The following EFNA2 variants were observed in gnomAD, a reference collection of about 807,000 sequenced individuals.
EFNA2 encodes the protein ephrin A2, also known as ephrin-A2.
Under a neutral mutation model 19.7 loss-of-function variants are expected in EFNA2, and 18 were observed. The observed-to-expected ratio is 0.91, with a 90% CI of 0.63 to 1.35. EFNA2 has a LOEUF of 1.35. EFNA2 is among the 40% of genes most tolerant of loss of function. The pLI is 0.00. For synonymous variants in EFNA2, 187 were observed against 137.8 expected, an observed-to-expected ratio of 1.36 and a Z score of -2.50; for missense variants, 303 against 296.0, an observed-to-expected ratio of 1.02 and a Z score of -0.17.
upstream of EFNA2, among the ~76,000 whole-genome samples, chr19:1,285,330 T>C (rs1408399712): frequency 6.6e-6 from 1 of 152,074 alleles, no homozygotes; most frequent in Non-Finnish European, 1.5e-5. The surrounding 1 kb of genome is among the most constrained non-coding windows in gnomAD (Gnocchi z 4.1). Context: ...TCCACATCGG[T>C]CCACCTACTA....
Position 1,299,807 on chromosome 19 carries a change from G to GTC in EFNA2, c.521-13_521-12dup, listed in dbSNP as rs1407123774. ...GGTTCGGGCGGCCGCTGAGCGTGCT[G>GTC]TCTCTGCCACCCGCAGACGAGACCC... On this transcript the variant is annotated splice_polypyrimidine_tract_variant and intron_variant, in intron 3 of 3. Coordinates refer to ENST00000215368, the MANE Select transcript of EFNA2 (RefSeq NM_001405.4). 4.4e-6 allele frequency: 7 copies of GTC among 1,591,710 alleles called. No individual in the cohort carries two copies. The African/African-American group carries it at 5.4e-5, about 12-fold the overall frequency.
upstream of EFNA2, among the ~76,000 whole-genome samples, chr19:1,285,691 C>A (rs1489338083): frequency 6.6e-6 from 1 of 151,444 alleles, no homozygotes; most frequent in Non-Finnish European, 1.5e-5. This position sits in a 1 kb window ranked among gnomAD's most constrained non-coding sequence, Gnocchi z 4.1. Context: ...CACGCGGATG[C>A]CGGCGGGGGG....
Position 1,295,412 on chromosome 19 carries a change from A to C in EFNA2, c.141-133A>C. 1 of 863,070 alleles carries C rather than the reference A, an allele frequency of 1.2e-6. No individual in the cohort carries two copies. The highest frequency in any genetic ancestry group is 3.5e-4 in the Middle Eastern group (1 of 2,818). The allele number at this position is 863,070 out of a possible 1,614,324, so 53.5% of individuals were successfully genotyped here. A position where few individuals can be genotyped will look rare whatever the true frequency, so the allele number is the denominator to read the frequency against. Reference sequence around the variant, plus strand: ...CCCTGACCCGTCCCCCGTGCTCCTGACCCCGGCCCTCGCCGCGCACCCCGA... The same window carrying C: ...CCCTGACCCGTCCCCCGTGCTCCTGCCCCCGGCCCTCGCCGCGCACCCCGA... On this transcript the variant is annotated intron_variant, in intron 1 of 3. Transcript: ENST00000215368. The surrounding 1 kb of genome is among the most constrained non-coding windows in gnomAD (Gnocchi z 5.8).
In EFNA2 at chr19:1,295,860, T is replaced by C. The variant is rs2081512158; in HGVS notation, c.454+2T>C. Reference sequence around the variant, plus strand: ...CCGGCCACGAGTATTACTACATCTGTGAGTGGGGTCGGGCCGGGGCTGCCG... The same window carrying C: ...CCGGCCACGAGTATTACTACATCTGCGAGTGGGGTCGGGCCGGGGCTGCCG... On this transcript the variant is annotated splice_donor_variant, in intron 2 of 3. Transcript: ENST00000215368. LOFTEE classifies it high-confidence loss of function. The surrounding 1 kb of genome is among the most constrained non-coding windows in gnomAD (Gnocchi z 5.8). 6.4e-7 allele frequency: 1 copy of C among 1,569,704 alleles called. No homozygotes were observed. The highest frequency in any genetic ancestry group is 8.6e-7 in the Non-Finnish European group (1 of 1,163,664).
Position 1,296,092 on chromosome 19 carries a change from C to G in EFNA2, c.454+234C>G, listed in dbSNP as rs34631609. 2.0e-5 allele frequency among the ~76,000 whole-genome samples: 3 copies of G among 152,006 alleles called. No individual in the cohort carries two copies. The highest frequency in any genetic ancestry group is 2.1e-4 in the South Asian group (1 of 4,832). ...GCCGGTGCTGGCCACTGACCCACCC[C>G]GGTCACTGACCCCCTCCAGATGTCA... On this transcript the variant is annotated intron_variant, in intron 2 of 3. Transcript: ENST00000215368. The surrounding 1 kb of genome is among the most constrained non-coding windows in gnomAD (Gnocchi z 4.4).
chr19:1,288,081 C>T (rs1474206115), intron 1 of EFNA2, among the ~76,000 whole-genome samples: 2 of 152,258 alleles, frequency 1.3e-5, no homozygotes, highest in Non-Finnish European at 1.5e-5. Context: ...CTTGCTGGTC[C>T]GCAGAGCCGA....
chr19:1,299,448 T>G (rs1244471797), intron 3 of EFNA2, among the ~76,000 whole-genome samples: 2 of 149,372 alleles, frequency 1.3e-5, no homozygotes, highest in Non-Finnish European at 3.0e-5. Context: ...CCCAGCTATT[T>G]GGGAGGCTGA....
chr19:1,300,499 C>T lies in EFNA2; in HGVS notation c.*554C>T, dbSNP rs531159587. On this transcript the variant is annotated 3_prime_UTR_variant, in exon 4 of 4. Coordinates refer to ENST00000215368, the MANE Select transcript of EFNA2 (RefSeq NM_001405.4). ...CCACTCGTGGGGGAACACAGCCGCT[C>T]CCCTCTGCTCTGCACCCCACTCGTG... is the stretch of plus-strand genomic sequence containing the variant. Among the ~76,000 whole-genome samples, 1 of 148,650 alleles carries T rather than the reference C, an allele frequency of 6.7e-6. No homozygotes were observed. The highest frequency in any genetic ancestry group is 2.5e-5 in the African/African-American group (1 of 40,756).
At chr19:1,293,258 C>A (rs1296744597) in intron 1 of EFNA2, among the ~76,000 whole-genome samples, 1 of 152,232 alleles carries the variant, frequency 6.6e-6, no homozygotes, top group Non-Finnish European at 1.5e-5. Context: ...TTCACTTGGG[C>A]TGGGCAGGAA....
rs758304794 is a variant in EFNA2 at position 1,295,755 on chromosome 19, C to T, written c.351C>T (p.Pro117=). 1.2e-6 allele frequency: 2 copies of T among 1,605,260 alleles called. No individual in the cohort carries two copies. The highest frequency in any genetic ancestry group is 8.5e-7 in the Non-Finnish European group (1 of 1,177,008). ...TCAAGCGCTGGGAGTGCAACCGGCC[C>T]GCGGCGCCCGGGGGGCCGCTCAAGT... ...RGFKRWECNR[P]AAPGGPLKFS... The change falls in exon 2 of 4, where the codon CCC becomes CCT. Residue 117 remains proline, a synonymous_variant. Transcript: ENST00000215368. This position sits in a 1 kb window ranked among gnomAD's most constrained non-coding sequence, Gnocchi z 5.8.
intron 3 of EFNA2, 111 bp downstream of exon 3, chr19:1,298,727 TC>T: frequency 8.1e-7 from 1 of 1,229,436 alleles, no homozygotes; most frequent in Non-Finnish European, 1.1e-6. Flanking sequence ...GGTTTCCCTA[TC>T]TTGCCCTGCC....
In EFNA2 at chr19:1,299,995, G is replaced by T. The variant is rs779214933; in HGVS notation, c.*50G>T. ...CTGCCTGGACGGCCCCGCCTGGACC[G>T]CCTGACCTCGGCCCTCCGGACCCGG... On this transcript the variant is annotated 3_prime_UTR_variant, in exon 4 of 4. Coordinates refer to ENST00000215368, the MANE Select transcript of EFNA2 (RefSeq NM_001405.4). 2.6e-6 allele frequency: 4 copies of T among 1,552,062 alleles called. No individual in the cohort carries two copies. The highest frequency in any genetic ancestry group is 1.2e-5 in the South Asian group (1 of 85,660).
chr19:1,293,472 G>A (rs1486277480), intron 1 of EFNA2, among the ~76,000 whole-genome samples: 2 of 148,716 alleles, frequency 1.3e-5, no homozygotes, highest in African/African-American at 4.9e-5. Flanking sequence ...ACAGCCGGGA[G>A]GACCATCCCC....
At chr19:1,293,799 C>T (rs551627310) in intron 1 of EFNA2, among the ~76,000 whole-genome samples, 6 of 152,358 alleles carry the variant, frequency 3.9e-5, no homozygotes, top group Non-Finnish European at 7.4e-5. Flanking sequence ...ATCTTCATGC[C>T]GGATCCCTAG....
chr19:1,299,781 G>C, intron 3 of EFNA2, 43 bp from the exon 4 acceptor site: 1 of 1,561,348 alleles, frequency 6.4e-7, no homozygotes, highest in South Asian at 1.2e-5. Context: ...GAGCCCAGTG[G>C]GGTTCGGGCG....
rs755187247 is a variant in EFNA2, at chr19:1,295,768, G to A, written c.364G>A (p.Gly122Arg). Residue 122 changes from glycine to arginine, a missense_variant, in exon 2 of 4, where the codon GGG becomes AGG. Coordinates refer to ENST00000215368, the MANE Select transcript of EFNA2 (RefSeq NM_001405.4). The surrounding 1 kb of genome is among the most constrained non-coding windows in gnomAD (Gnocchi z 5.8). ...WECNRPAAPG[G>R]PLKFSEKFQL... ...GTGCAACCGGCCCGCGGCGCCCGGG[G>A]GGCCGCTCAAGTTCTCGGAGAAGTT... is the stretch of plus-strand genomic sequence containing the variant. 2 of 1,605,362 alleles carry A rather than the reference G, an allele frequency of 1.2e-6. No homozygotes were observed. The highest frequency in any genetic ancestry group is 1.7e-6 in the Non-Finnish European group (2 of 1,177,266).
At chr19:1,288,432 G>A (rs2081476153) in intron 1 of EFNA2, among the ~76,000 whole-genome samples, 2 of 152,166 alleles carry the variant, frequency 1.3e-5, no homozygotes, top group African/African-American at 2.4e-5. Context: ...TAAGGTGTGA[G>A]GCTGGGCTGG....
chr19:1,287,139 G>A lies in EFNA2; in HGVS notation c.140+831G>A, dbSNP rs1049955547. Among the ~76,000 whole-genome samples the A allele has an allele frequency of 3.9e-5, 6 of 152,244 alleles. No homozygotes were observed. The highest frequency in any genetic ancestry group is 7.3e-5 in the Non-Finnish European group (5 of 68,042). On this transcript the variant is annotated intron_variant, in intron 1 of 3. Coordinates refer to ENST00000215368, the MANE Select transcript of EFNA2 (RefSeq NM_001405.4). The surrounding 1 kb of genome is among the most constrained non-coding windows in gnomAD (Gnocchi z 6.2). ...GGGCCAGGCACAACGTGGGGGACAG[G>A]AGAAGCCCCCGTTGGTCAGAGCAAA... is the stretch of plus-strand genomic sequence containing the variant.
intron 1 of EFNA2, among the ~76,000 whole-genome samples, chr19:1,289,090 G>A (rs2081479728): frequency 6.6e-6 from 1 of 152,244 alleles, no homozygotes; most frequent in Non-Finnish European, 1.5e-5. Context: ...TGTGCCTGGA[G>A]TCGCATCCGG....
Sources: allele counts gnomAD v4.1 joint callset (sites outside exome capture counted in the v4.1 genomes callset), GRCh38; gene constraint gnomAD v4.1.1; non-coding constraint Gnocchi (gnomAD v3.1); transcripts MANE v1.5; gene names NCBI Gene and HGNC (gene_info 2026-07-23, HGNC 2026-07-21).